SLC17A1: variants seen among roughly 807,000 people sequenced by gnomAD.
The protein encoded by SLC17A1 is solute carrier family 17 member 1.
SLC17A1 carries 51 observed loss-of-function variants against 53.5 expected under a neutral mutation model. That is an observed-to-expected ratio of 0.95 (90% CI 0.76 to 1.20). The LOEUF (loss-of-function observed/expected upper bound fraction) is 1.20. Ranked by LOEUF, SLC17A1 falls within the 50% of genes most tolerant of loss-of-function variation. SLC17A1 has a pLI of 0.00. For synonymous variants in SLC17A1, 179 were observed against 198.8 expected, an observed-to-expected ratio of 0.90 and a Z score of 0.84; for missense variants, 538 against 568.2, an observed-to-expected ratio of 0.95 and a Z score of 0.54.
At chr6:25,826,985 T>C (rs1362497029) in intron 2 of SLC17A1, among the ~76,000 whole-genome samples, 1 of 152,132 alleles carries the variant, frequency 6.6e-6, no homozygotes, top group Non-Finnish European at 1.5e-5. Flanking sequence ...AAGAAAACTA[T>C]TCCTTTTCCA....
chr6:25,827,256 A>G (rs35875210), intron 2 of SLC17A1, among the ~76,000 whole-genome samples: 39,252 of 152,010 alleles, frequency 0.26, 5,370 homozygotes, highest in African/African-American at 0.35. Flanking sequence ...TTTTTTCAAG[A>G]GAAATACAGG....
At chr6:25,779,210 A>G, downstream of SLC17A1, 1 of 1,612,152 alleles carries the variant, frequency 6.2e-7, no homozygotes, top group Non-Finnish European at 8.5e-7. Context: ...GATGTGCTAG[A>G]TCCTGGTGCT....
chr6:25,748,562 C>T, the SLC17A1 span, among the ~76,000 whole-genome samples: 1 of 152,134 alleles, frequency 6.6e-6, no homozygotes, highest in Non-Finnish European at 1.5e-5. Flanking sequence ...AAATAAGACA[C>T]ACAGACAAAG....
intron 12 of SLC17A1, among the ~76,000 whole-genome samples, chr6:25,793,628 G>A: frequency 6.6e-6 from 1 of 152,072 alleles, no homozygotes; most frequent in South Asian, 2.1e-4. Flanking sequence ...GTTGCTCACT[G>A]CTCTATCCCA....
intron 10 of SLC17A1, among the ~76,000 whole-genome samples, chr6:25,809,500 A>C (rs1764076029): frequency 6.6e-6 from 1 of 151,982 alleles, no homozygotes; most frequent in Non-Finnish European, 1.5e-5. Context: ...CACACACACA[A>C]AATCAATGAA....
chr6:25,830,489 G>A (rs750053350), intron 2 of SLC17A1, 35 bp downstream of exon 2: 1 of 1,463,698 alleles, frequency 6.8e-7, no homozygotes. Context: ...TTAAGAAAAA[G>A]AACACCTGTT....
the SLC17A1 span, chr6:25,770,906 T>C: frequency 2.7e-5 from 43 of 1,597,326 alleles, no homozygotes; most frequent in East Asian, 9.4e-4. Flanking sequence ...ACCCAGAACA[T>C]CCTCGCCTCT....
intron 12 of SLC17A1, among the ~76,000 whole-genome samples, chr6:25,786,567 G>C (rs893266217): frequency 6.6e-6 from 1 of 152,156 alleles, no homozygotes; most frequent in African/African-American, 2.4e-5. Context: ...AGGGAGATTT[G>C]TGTGGAGTGG....
intron 2 of SLC17A1, among the ~76,000 whole-genome samples, chr6:25,830,303 G>T (rs936027543): frequency 6.6e-6 from 1 of 152,028 alleles, no homozygotes; most frequent in African/African-American, 2.4e-5. Flanking sequence ...TGACAAGTGC[G>T]CAAAAATGAA....
the SLC17A1 span, among the ~76,000 whole-genome samples, chr6:25,774,462 T>C: frequency 6.6e-6 from 1 of 152,178 alleles, no homozygotes; most frequent in African/African-American, 2.4e-5. Flanking sequence ...AACAGAGAGC[T>C]GACCTTCTTA....
At chr6:25,815,349 A>G (rs1472291926) in intron 6 of SLC17A1, among the ~76,000 whole-genome samples, 1 of 152,020 alleles carries the variant, frequency 6.6e-6, no homozygotes, top group African/African-American at 2.4e-5. Context: ...AACCACAGAT[A>G]TAGGAAGCCC....
intron 1 of SLC17A1, among the ~76,000 whole-genome samples, chr6:25,831,375 A>G (rs1185569): frequency 0.65 from 98,733 of 152,068 alleles, 33,867 homozygotes; most frequent in African/African-American, 0.87. Context: ...GATTTGCAAA[A>G]TATTTTTGAA....
chr6:25,789,526 T>C (rs1050383075), intron 12 of SLC17A1, among the ~76,000 whole-genome samples: 1 of 152,192 alleles, frequency 6.6e-6, no homozygotes, highest in Non-Finnish European at 1.5e-5. Context: ...AGGCAAAACC[T>C]GATAGGCCCC....
chr6:25,741,690 TG>T, the SLC17A1 span, among the ~76,000 whole-genome samples: 3 of 151,802 alleles, frequency 2.0e-5, no homozygotes, highest in Non-Finnish European at 4.4e-5. Flanking sequence ...CACTCCAGTC[TG>T]GGCGACAGAG....
At chr6:25,796,109 C>T (rs536294617) in intron 12 of SLC17A1, among the ~76,000 whole-genome samples, 1 of 152,206 alleles carries the variant, frequency 6.6e-6, no homozygotes, top group South Asian at 2.1e-4. Context: ...AGAGGATAAA[C>T]CTTCGCTAAT....
the SLC17A1 span, among the ~76,000 whole-genome samples, chr6:25,735,983 C>A: frequency 5.1e-3 from 782 of 152,130 alleles, 32 homozygotes; most frequent in Admixed American, 0.046. Context: ...TATAGGGTTG[C>A]AGGACAAATA....
the SLC17A1 span, among the ~76,000 whole-genome samples, chr6:25,752,337 T>C: frequency 1.2e-3 from 190 of 152,236 alleles, no homozygotes; most frequent in Non-Finnish European, 2.2e-3. Flanking sequence ...TGAACATATC[T>C]AAACATAGAA....
intron 2 of SLC17A1, among the ~76,000 whole-genome samples, chr6:25,828,434 A>AT (rs921300778): frequency 1.6e-4 from 24 of 152,184 alleles, no homozygotes; most frequent in African/African-American, 4.6e-4. Context: ...AAATAAATAG[A>AT]TTTTTTATAT....
At chr6:25,732,054 C>T in the SLC17A1 span, 4 of 1,289,196 alleles carry the variant, frequency 3.1e-6, no homozygotes, top group African/African-American at 3.0e-5. Context: ...AATAGAATAG[C>T]TCTCTTTGCG....
Sources: gnomAD v4.1 joint callset for allele counts (sites outside exome capture counted in the v4.1 genomes callset) on GRCh38, gnomAD v4.1.1 for gene constraint, MANE v1.5 for transcripts, NCBI Gene and HGNC (gene_info 2026-07-23, HGNC 2026-07-21) for gene names.